The following HPSE2 variants were observed in gnomAD, a reference collection of about 807,000 sequenced individuals.
HPSE2 encodes the protein heparanase 2 (inactive), also known as inactive heparanase-2.
In HPSE2, 38 loss-of-function variants were observed where a neutral mutation model predicts 60.5. That is an observed-to-expected ratio of 0.63 (90% CI 0.48 to 0.82). HPSE2 has a LOEUF of 0.82. Ranked by LOEUF, HPSE2 falls within the 40% of genes least tolerant of loss-of-function variation. The pLI, the probability that HPSE2 is intolerant of heterozygous loss-of-function variation, is 0.00. For missense variants in HPSE2, 713 were observed against 740.4 expected (o/e 0.96, Z 0.43); for synonymous variants, 295 against 293.2 (o/e 1.01, Z -0.06).
At chr10:99,166,959 C>A (rs1482857099) in intron 2 of HPSE2, among the ~76,000 whole-genome samples, 1 of 151,222 alleles carries the variant, frequency 6.6e-6, no homozygotes, top group Non-Finnish European at 1.5e-5. Context: ...ATCTATTTTT[C>A]TTTTTATGGA....
At chr10:98,883,964 A>G (rs1205796832) in intron 3 of HPSE2, among the ~76,000 whole-genome samples, 2 of 152,166 alleles carry the variant, frequency 1.3e-5, no homozygotes, top group Non-Finnish European at 2.9e-5. Context: ...TCTTATACCA[A>G]ACAGTTAGCC....
chr10:99,278,078 G>A, the HPSE2 span, among the ~76,000 whole-genome samples: 2 of 118,038 alleles, frequency 1.7e-5, no homozygotes, highest in Non-Finnish European at 3.4e-5. Context: ...GTCTGGGAGC[G>A]AGACTCCCTC....
At chr10:99,198,624 C>T (rs1183712555) in intron 2 of HPSE2, among the ~76,000 whole-genome samples, 1 of 152,020 alleles carries the variant, frequency 6.6e-6, no homozygotes, top group African/African-American at 2.4e-5. Context: ...ACTTTAAAAC[C>T]TTAATATGTA....
intron 7 of HPSE2, among the ~76,000 whole-genome samples, chr10:98,632,498 G>A (rs923917936): frequency 6.6e-6 from 1 of 152,092 alleles, no homozygotes; most frequent in African/African-American, 2.4e-5. Context: ...AAACTTTGGT[G>A]TTCTTTGGTG....
At chr10:99,005,190 T>G (rs1266050645) in intron 3 of HPSE2, among the ~76,000 whole-genome samples, 2 of 152,180 alleles carry the variant, frequency 1.3e-5, no homozygotes, top group African/African-American at 4.8e-5. Flanking sequence ...TCTGGATCTT[T>G]ATGTGTTTTC....
At chr10:98,922,610 G>A (rs1954314943) in intron 3 of HPSE2, among the ~76,000 whole-genome samples, 1 of 152,152 alleles carries the variant, frequency 6.6e-6, no homozygotes, top group African/African-American at 2.4e-5. Context: ...CAAGGCTGAT[G>A]GTGAAGGTAT....
At chr10:98,826,973 C>T (rs1275454711) in intron 3 of HPSE2, among the ~76,000 whole-genome samples, 1 of 151,892 alleles carries the variant, frequency 6.6e-6, no homozygotes, top group African/African-American at 2.4e-5. Flanking sequence ...CATAGGAAGA[C>T]CTCATCACTA....
At chr10:99,096,440 A>G (rs759514581) in intron 3 of HPSE2, among the ~76,000 whole-genome samples, 21 of 152,176 alleles carry the variant, frequency 1.4e-4, no homozygotes, top group Non-Finnish European at 2.9e-4. Flanking sequence ...TATTTTAGAG[A>G]TAAGAAAACT....
At chr10:98,789,260 C>G (rs1333665826) in intron 3 of HPSE2, among the ~76,000 whole-genome samples, 3 of 152,284 alleles carry the variant, frequency 2.0e-5, no homozygotes, top group Non-Finnish European at 4.4e-5. Flanking sequence ...CTACGGGGAA[C>G]TGTGAATGCT....
intron 5 of HPSE2, among the ~76,000 whole-genome samples, chr10:98,705,041 A>T (rs548657700): frequency 6.6e-6 from 1 of 152,348 alleles, no homozygotes; most frequent in Non-Finnish European, 1.5e-5. Context: ...AGAATCTACA[A>T]GGAACTTAAA....
upstream of HPSE2, among the ~76,000 whole-genome samples, chr10:99,239,408 G>A (rs1390075802): frequency 9.2e-6 from 1 of 109,020 alleles, no homozygotes; most frequent in South Asian, 3.4e-4. Flanking sequence ...TGGACATAAT[G>A]TTTGTCAAGG....
intron 3 of HPSE2, among the ~76,000 whole-genome samples, chr10:99,000,135 G>A (rs1398783871): frequency 6.6e-6 from 1 of 152,088 alleles, no homozygotes; most frequent in African/African-American, 2.4e-5. Context: ...GGCAGTGTGA[G>A]GAGAGAATCA....
intron 3 of HPSE2, among the ~76,000 whole-genome samples, chr10:98,939,118 C>A (rs532875964): frequency 7.0e-6 from 1 of 143,882 alleles, no homozygotes; most frequent in South Asian, 2.1e-4. Flanking sequence ...CCAGTTCCAG[C>A]CACTGCAAAA....
intron 7 of HPSE2, among the ~76,000 whole-genome samples, chr10:98,630,935 G>A (rs991112198): frequency 6.6e-6 from 1 of 152,100 alleles, no homozygotes; most frequent in African/African-American, 2.4e-5. Context: ...CACAACTTCT[G>A]GTTGGCTAAA....
At chr10:98,550,712 G>A (rs150000086) in intron 9 of HPSE2, among the ~76,000 whole-genome samples, 1 of 152,120 alleles carries the variant, frequency 6.6e-6, no homozygotes, top group East Asian at 1.9e-4. Context: ...CTGACCTCGT[G>A]ATATGCCCGC....
At chr10:98,550,219 G>C (rs889421012) in intron 9 of HPSE2, among the ~76,000 whole-genome samples, 4 of 151,762 alleles carry the variant, frequency 2.6e-5, no homozygotes, top group African/African-American at 9.7e-5. Flanking sequence ...TCTTTTCCCA[G>C]CCTAGTAAAC....
chr10:99,151,905 G>C (rs1461317424), intron 2 of HPSE2, among the ~76,000 whole-genome samples: 2 of 152,074 alleles, frequency 1.3e-5, no homozygotes, highest in South Asian at 4.1e-4. Context: ...AACAGAGCTA[G>C]ACCCTATCTC....
intron 6 of HPSE2, among the ~76,000 whole-genome samples, chr10:98,666,335 G>A (rs749489009): frequency 2.6e-4 from 39 of 152,066 alleles, no homozygotes; most frequent in Non-Finnish European, 5.6e-4. Context: ...AGTAATAGCA[G>A]GGGACTTTAA....
chr10:98,996,890 A>G (rs1412719779), intron 3 of HPSE2, among the ~76,000 whole-genome samples: 1 of 152,144 alleles, frequency 6.6e-6, no homozygotes, highest in African/African-American at 2.4e-5. Context: ...ACTGGGAAGG[A>G]GCATAAGGAA....
Sources: allele counts gnomAD v4.1 joint callset (sites outside exome capture counted in the v4.1 genomes callset), GRCh38; gene constraint gnomAD v4.1.1; transcripts MANE v1.5; gene names NCBI Gene and HGNC (gene_info 2026-07-23, HGNC 2026-07-21).